Variants in KIDINS220 observed in about 807,000 individuals in gnomAD.
KIDINS220 encodes the protein kinase D interacting substrate 220, also known as kinase D-interacting substrate of 220 kDa.
KIDINS220 carries 63 observed loss-of-function variants against 157.6 expected under a neutral mutation model. The ratio of observed to expected loss-of-function variants is 0.40; its 90% confidence interval spans 0.33 to 0.49. The LOEUF is 0.49. Among genes scored for constraint, KIDINS220 ranks in the 20% least tolerant of loss-of-function variants. The pLI is 0.66. For synonymous variants in KIDINS220, 732 were observed against 783.6 expected, an observed-to-expected ratio of 0.93 and a Z score of 1.10; for missense variants, 1,772 against 2,171.2, an observed-to-expected ratio of 0.82 and a Z score of 3.65.
In KIDINS220 at chr2:8,747,243, G is replaced by C. The variant is rs73912896; in HGVS notation, c.3529-42C>G. 1.8e-3 allele frequency: 2,824 copies of C among 1,548,666 alleles called. 34 individuals carry two copies. The African/African-American group carries it at 0.032, about 18-fold the overall frequency. ...GGAGAGTGTGGGTGAAAAGGGGAAGGGGGGAGCCAAACTGTGAAGACAAAT... is the reference window on the plus strand; with the variant it reads ...GGAGAGTGTGGGTGAAAAGGGGAAGCGGGGAGCCAAACTGTGAAGACAAAT... On this transcript the variant is annotated intron_variant, in intron 25 of 29. Coordinates refer to ENST00000256707, the MANE Select transcript of KIDINS220 (RefSeq NM_020738.4).
chr2:8,817,731 T>G lies in KIDINS220; in HGVS notation c.208-15A>C, dbSNP rs1489473327. The G allele has an allele frequency of 1.3e-6, 2 of 1,544,738 alleles. No individual in the cohort carries two copies. Among genetic ancestry groups the G allele is most frequent in the Non-Finnish European group, 1.8e-6 (2 of 1,136,302 alleles). ...GTCCAATTATCCTTGAACATATATT[T>G]TAAAAGTTATCATTTTCAAACCAAA... On this transcript the variant is annotated splice_polypyrimidine_tract_variant and intron_variant, in intron 3 of 29. Transcript: ENST00000256707.
At chr2:8,762,141 C>T (rs1668818453) in intron 22 of KIDINS220, among the ~76,000 whole-genome samples, 1 of 152,154 alleles carries the variant, frequency 6.6e-6, no homozygotes, top group African/African-American at 2.4e-5. Context: ...GTATTTCTTA[C>T]ATATTAAAAC....
At chr2:8,772,645 T>C (rs1198550650) in intron 21 of KIDINS220, among the ~76,000 whole-genome samples, 1 of 152,164 alleles carries the variant, frequency 6.6e-6, no homozygotes, top group African/African-American at 2.4e-5. Flanking sequence ...AACGAATATG[T>C]CTAAGATAAT....
rs868620824 is a variant in KIDINS220 at position 8,744,428 on chromosome 2, A to C, written c.3585+2717T>G. On this transcript the variant is annotated intron_variant, in intron 26 of 29. Transcript: ENST00000256707. Reference sequence around the variant, plus strand: ...TATATATATATATATATATATATATATATATATATATATATATGGGATCAT... The same window carrying C: ...TATATATATATATATATATATATATCTATATATATATATATATGGGATCAT... Among the ~76,000 whole-genome samples the C allele has an allele frequency of 1.6e-3, 163 of 100,142 alleles. 1 individual carries two copies. Among genetic ancestry groups the C allele is most frequent in the Non-Finnish European group, 2.6e-3 (132 of 51,234 alleles). 65.7% of individuals were successfully genotyped at this position (100,142 alleles called of 152,430 possible). A position where few individuals can be genotyped will look rare whatever the true frequency, so the allele number is the denominator to read the frequency against.
At chr2:8,722,257 A>C (rs547174781), downstream of KIDINS220, 2 of 152,380 alleles carry the variant, frequency 1.3e-5, no homozygotes, top group African/African-American at 4.8e-5. Flanking sequence ...GAAAATATGC[A>C]TCTTAGAACC....
chr2:8,779,061 G>T lies in KIDINS220; in HGVS notation c.2449C>A (p.Gln817Lys), dbSNP rs1671350855. The change falls in exon 19 of 30, where the codon CAG becomes AAG. Residue 817 changes from glutamine to lysine, a missense_variant. By Grantham distance (53) the Gln-to-Lys change is moderately conservative (BLOSUM62 1). Transcript: ENST00000256707. ...DPHIIIKAIN[Q>K]NLNSVLRDSN... is the part of the protein sequence containing the mutation. ...TCCCGAAGCACACTATTGAGGTTCT[G>T]GTTAATTGCCTTTATGATAATATGT... The T allele has an allele frequency of 6.2e-7, 1 of 1,613,892 alleles. No homozygotes were observed. The highest frequency in any genetic ancestry group is 8.5e-7 in the Non-Finnish European group (1 of 1,179,996).
At chr2:8,732,345 G>A (rs1239072164) in intron 29 of KIDINS220, among the ~76,000 whole-genome samples, 2 of 152,104 alleles carry the variant, frequency 1.3e-5, no homozygotes, top group Non-Finnish European at 2.9e-5. Context: ...CAATCCTCCC[G>A]CCTCAGCCTC....
intron 29 of KIDINS220, among the ~76,000 whole-genome samples, chr2:8,733,036 A>T (rs796138931): frequency 3.9e-5 from 6 of 152,290 alleles, no homozygotes; most frequent in African/African-American, 1.4e-4. Context: ...GTCCTGGAAA[A>T]CCAAAGGATG....
intron 7 of KIDINS220, among the ~76,000 whole-genome samples, chr2:8,803,658 AT>A (rs1675037620): frequency 6.6e-6 from 1 of 152,162 alleles, no homozygotes; most frequent in Non-Finnish European, 1.5e-5. Context: ...TAGAAACTAC[AT>A]TTTCAAAACC....
chr2:8,768,258 A>C (rs748112719), intron 22 of KIDINS220, among the ~76,000 whole-genome samples: 6 of 152,130 alleles, frequency 3.9e-5, no homozygotes, highest in Non-Finnish European at 7.4e-5. Flanking sequence ...AAAAAAAAAA[A>C]AACTCTCAAA....
rs1271883493 is a variant in KIDINS220 at position 8,735,957 on chromosome 2, C to A, written c.3717+911G>T. Among the ~76,000 whole-genome samples, 3 of 152,182 alleles carry A rather than the reference C, an allele frequency of 2.0e-5. No individual in the cohort carries two copies. The East Asian group carries it at 5.8e-4, about 29-fold the overall frequency. The stretch of plus-strand genomic sequence containing the variant: ...AGACCCCGCTCTTTCCTGACACCAA[C>A]CAGCTGCCTGAAGGAGAAAGTGGGG... On this transcript the variant is annotated intron_variant, in intron 27 of 29. Coordinates refer to ENST00000256707, the MANE Select transcript of KIDINS220 (RefSeq NM_020738.4).
At chr2:8,822,871 C>A (rs1012885041) in intron 2 of KIDINS220, among the ~76,000 whole-genome samples, 1 of 152,136 alleles carries the variant, frequency 6.6e-6, no homozygotes, top group African/African-American at 2.4e-5. Flanking sequence ...AAAGATTTAT[C>A]TAGTTTATAA....
At chr2:8,792,367 T>C (rs910442377) in intron 12 of KIDINS220, among the ~76,000 whole-genome samples, 2 of 152,114 alleles carry the variant, frequency 1.3e-5, no homozygotes, top group African/African-American at 4.8e-5. Flanking sequence ...CCAGGATCAA[T>C]ATCCATAACA....
At position 8,779,787 on chromosome 2, in the gene KIDINS220, C is replaced by A; in HGVS notation, c.2257G>T (p.Ala753Ser). 6.2e-7 allele frequency: 1 copy of A among 1,614,092 alleles called. No homozygotes were observed. Among genetic ancestry groups the A allele is most frequent in the Non-Finnish European group, 8.5e-7 (1 of 1,179,972 alleles). Residue 753 changes from alanine (A) to serine (S), a missense_variant, in exon 18 of 30, where the codon GCC becomes TCC. Around this residue, in one of 3 missense-constraint regions of KIDINS220, gnomAD observed 725 missense variants for 1,017.1 expected, o/e 0.71. Transcript: ENST00000256707. ...CTGTCAATGGTTTTTGCCATCCTGG[C>A]CATCAATTCCACTTCACATTTAAGA... ...KVLKCEVELMARMAKTIDSFT... is the reference protein window; with the variant it reads ...KVLKCEVELMSRMAKTIDSFT...
chr2:8,739,402 A>G (rs1172325605), intron 26 of KIDINS220, among the ~76,000 whole-genome samples: 2 of 152,038 alleles, frequency 1.3e-5, no homozygotes, highest in African/African-American at 4.8e-5. Context: ...ATTAATGAAA[A>G]TATGTTATAA....
chr2:8,793,209 TA>T (rs901760050), intron 12 of KIDINS220, among the ~76,000 whole-genome samples: 1 of 151,808 alleles, frequency 6.6e-6, no homozygotes, highest in Non-Finnish European at 1.5e-5. Context: ...CAAAAAGTCA[TA>T]AAAAAATAGA....
rs1266947228 is a variant in KIDINS220, at chr2:8,729,629, A to T, written c.*1091T>A. 28 of 977,786 alleles carry T rather than the reference A, an allele frequency of 2.9e-5. No individual in the cohort carries two copies. The highest frequency in any genetic ancestry group is 1.6e-4 in the African/African-American group (9 of 56,906). 60.6% of individuals were successfully genotyped at this position (977,786 alleles called of 1,614,324 possible). A position where few individuals can be genotyped will look rare whatever the true frequency, so the allele number is the denominator to read the frequency against. The stretch of plus-strand genomic sequence containing the variant: ...CCCTTGCTTTGTTACATGTTTCCAA[A>T]TTTTTTTTTAAAAAGTATTTCCTTT... On this transcript the variant is annotated 3_prime_UTR_variant, in exon 30 of 30. Coordinates refer to ENST00000256707, the MANE Select transcript of KIDINS220 (RefSeq NM_020738.4).
At chr2:8,744,383 A>T (rs1558327842) in intron 26 of KIDINS220, among the ~76,000 whole-genome samples, 2 of 28,930 alleles carry the variant, frequency 6.9e-5, no homozygotes, top group Admixed American at 6.7e-4. Context: ...AAAAAAAAAA[A>T]AAAAAATATA....
chr2:8,727,262 G>A (rs760898091), downstream of KIDINS220: 110 of 1,071,796 alleles, frequency 1.0e-4, no homozygotes, highest in Non-Finnish European at 1.2e-4. Flanking sequence ...CAGTGTCGGC[G>A]TGCGCCTGGA....
Sources: gnomAD v4.1 joint callset for allele counts (sites outside exome capture counted in the v4.1 genomes callset) on GRCh38, gnomAD v4.1.1 for gene constraint, gnomAD v4.1.1 regional missense constraint, MANE v1.5 for transcripts, NCBI Gene and HGNC (gene_info 2026-07-23, HGNC 2026-07-21) for gene names.